The following ADCY1 variants were observed in gnomAD, a reference collection of about 807,000 sequenced individuals.
ADCY1 encodes adenylate cyclase 1.
A neutral mutation model predicts 105.4 loss-of-function variants in ADCY1; 28 were observed. The ratio of observed to expected loss-of-function variants is 0.27; its 90% CI spans 0.20 to 0.36. The LOEUF (loss-of-function observed/expected upper bound fraction) is 0.36, where lower values mean the gene tolerates loss of function less well. Ranked by LOEUF, ADCY1 falls within the 10% of genes least tolerant of loss-of-function variation. The probability of loss-of-function intolerance (pLI) is 1.00; values close to 1 mark genes in which losing one functional copy is unlikely to be tolerated. For missense variants in ADCY1, 977 were observed against 1,434.2 expected, an observed-to-expected ratio of 0.68 and a Z score of 5.15; for synonymous variants, 655 against 623.8, an observed-to-expected ratio of 1.05 and a Z score of -0.75.
chr7:45,612,093 G>A (rs545507459), intron 3 of ADCY1, among the ~76,000 whole-genome samples: 2 of 152,306 alleles, frequency 1.3e-5, no homozygotes, highest in African/African-American at 2.4e-5. Flanking sequence ...CTGAGCACAC[G>A]TGTTCACTGC....
At chr7:45,605,154 T>G (rs1041435263) in intron 2 of ADCY1, among the ~76,000 whole-genome samples, 1 of 152,228 alleles carries the variant, frequency 6.6e-6, no homozygotes, top group African/African-American at 2.4e-5. Context: ...TAATTGACTT[T>G]TGTATATTGA....
intron 19 of ADCY1, among the ~76,000 whole-genome samples, chr7:45,711,644 T>TATATATATATATAC (rs1189707139): frequency 7.8e-5 from 4 of 51,478 alleles, no homozygotes; most frequent in African/African-American, 2.6e-4. Flanking sequence ...TATATATATA[T>TATATATATATATAC]ACACACACAC....
At position 45,591,294 on chromosome 7, in the gene ADCY1, G is replaced by A. The variant is rs1419796236; in HGVS notation, c.640-1465G>A. 1.3e-5 allele frequency among the ~76,000 whole-genome samples: 2 copies of A among 152,152 alleles called. No individual in the cohort carries two copies. The highest frequency in any genetic ancestry group is 2.9e-5 in the Non-Finnish European group (2 of 68,036). The stretch of plus-strand genomic sequence containing the variant: ...GCTGCCAGGTCTCCCTCCTAGAGCC[G>A]TCTGGGGGCCCCATCCTGCTGCCTG... On this transcript the variant is annotated intron_variant, in intron 1 of 19. Coordinates refer to ENST00000297323, the MANE Select transcript of ADCY1 (RefSeq NM_021116.4). This position sits in a 1 kb window ranked among gnomAD's most constrained non-coding sequence, Gnocchi z 4.1.
rs116385920 is a variant in ADCY1 at position 45,593,054 on chromosome 7, G to C, written c.789+146G>C. The stretch of plus-strand genomic sequence containing the variant: ...CATGTTGGTATTTGAGGCTGTGGAG[G>C]AGATGCCCTGAGGTTTTATAGTTAG... On this transcript the variant is annotated intron_variant, in intron 2 of 19. Coordinates refer to ENST00000297323, the MANE Select transcript of ADCY1 (RefSeq NM_021116.4). The C allele has an allele frequency of 3.3e-4, 396 of 1,206,630 alleles. 2 individuals carry two copies. In the African/African-American group the frequency reaches 4.9e-3, roughly 15 times the overall value. The allele number at this position is 1,206,630 out of a possible 1,614,324, so 74.7% of individuals were successfully genotyped here. A position where few individuals can be genotyped will look rare whatever the true frequency, so the allele number is the denominator to read the frequency against.
At chr7:45,627,535 G>C (rs991639940) in intron 4 of ADCY1, among the ~76,000 whole-genome samples, 10 of 152,184 alleles carry the variant, frequency 6.6e-5, no homozygotes, top group African/African-American at 2.4e-4. Context: ...TGTTTAAGTG[G>C]GACAGTGCCA....
chr7:45,622,166 C>T (rs1793917908), intron 3 of ADCY1, among the ~76,000 whole-genome samples: 1 of 152,152 alleles, frequency 6.6e-6, no homozygotes. Flanking sequence ...CATTGTGAAG[C>T]ATTGACACCA....
At chr7:45,602,051 G>A (rs1793253846) in intron 2 of ADCY1, among the ~76,000 whole-genome samples, 1 of 152,118 alleles carries the variant, frequency 6.6e-6, no homozygotes, top group African/African-American at 2.4e-5. Flanking sequence ...AGTGATCAGG[G>A]CTTTGAGGGA....
intron 8 of ADCY1, among the ~76,000 whole-genome samples, chr7:45,668,821 C>T (rs1229579221): frequency 2.0e-5 from 3 of 152,142 alleles, no homozygotes; most frequent in African/African-American, 7.2e-5. Context: ...TGTTATTTGT[C>T]TATTCAGAGA....
chr7:45,614,392 A>G (rs935791123), intron 3 of ADCY1, among the ~76,000 whole-genome samples: 4 of 152,210 alleles, frequency 2.6e-5, no homozygotes, highest in Admixed American at 1.3e-4. Context: ...TATAGAAACT[A>G]CACAAAGGAG....
intron 4 of ADCY1, among the ~76,000 whole-genome samples, chr7:45,628,513 G>T (rs1794129723): frequency 6.6e-6 from 1 of 152,204 alleles, no homozygotes; most frequent in African/African-American, 2.4e-5. Context: ...GGTGGAGGGT[G>T]AGCGGTTTCT....
At position 45,616,502 on chromosome 7, in the gene ADCY1, A is replaced by T. The variant is rs1039213221; in HGVS notation, c.908+6005A>T. 4.6e-5 allele frequency among the ~76,000 whole-genome samples: 7 copies of T among 152,258 alleles called. No individual in the cohort carries two copies. In the East Asian group the frequency reaches 1.2e-3, roughly 25 times the overall value. On this transcript the variant is annotated intron_variant, in intron 3 of 19. Transcript: ENST00000297323. ...TGAGATTTATCCCTGGAATGCAAGG[A>T]TAGTTCAACATGCAAAAATCAATTA...
At chr7:45,667,500 G>A (rs2116150305) in intron 8 of ADCY1, among the ~76,000 whole-genome samples, 1 of 152,266 alleles carries the variant, frequency 6.6e-6, no homozygotes, top group East Asian at 1.9e-4. Flanking sequence ...CTCTGTTTTG[G>A]TACCAGTACC....
At chr7:45,695,129 G>C (rs1186919056) in intron 14 of ADCY1, among the ~76,000 whole-genome samples, 1 of 152,190 alleles carries the variant, frequency 6.6e-6, no homozygotes, top group Admixed American at 6.5e-5. Flanking sequence ...CAGTATGCTG[G>C]GCCATTGCAG....
At chr7:45,650,769 T>C (rs1053589990) in intron 5 of ADCY1, among the ~76,000 whole-genome samples, 1 of 152,192 alleles carries the variant, frequency 6.6e-6, no homozygotes. Flanking sequence ...TTCTACTGTT[T>C]CTGCCCTGCA....
intron 19 of ADCY1, among the ~76,000 whole-genome samples, chr7:45,712,023 AT>A (rs1785265033): frequency 1.8e-5 from 2 of 111,812 alleles, no homozygotes; most frequent in African/African-American, 8.1e-5. Context: ...TATTTTATAT[AT>A]TATACTAAAT....
chr7:45,650,212 C>T (rs998805613), intron 5 of ADCY1, among the ~76,000 whole-genome samples: 1 of 152,076 alleles, frequency 6.6e-6, no homozygotes, highest in Non-Finnish European at 1.5e-5. Context: ...ATATATATCA[C>T]ATATATCACA....
At chr7:45,635,601 GTTTTTTTTTTTTTT>G (rs71030884) in intron 4 of ADCY1, among the ~76,000 whole-genome samples, 8 of 57,204 alleles carry the variant, frequency 1.4e-4, no homozygotes, top group African/African-American at 2.1e-4. Flanking sequence ...AATTTCTCTT[GTTTTTTTTTTTTTT>G]TTTTTTTTTT....
intron 18 of ADCY1, among the ~76,000 whole-genome samples, chr7:45,709,596 G>C (rs1785185860): frequency 6.6e-6 from 1 of 152,196 alleles, no homozygotes; most frequent in Non-Finnish European, 1.5e-5. Flanking sequence ...CCTGCTCTCA[G>C]GCTCCTCCTA....
chr7:45,650,032 G>C (rs1020869858), intron 5 of ADCY1, among the ~76,000 whole-genome samples: 1 of 152,164 alleles, frequency 6.6e-6, no homozygotes, highest in Non-Finnish European at 1.5e-5. Flanking sequence ...CTGGCGTGGA[G>C]AAGACTTAGA....
Sources: allele counts gnomAD v4.1 joint callset (sites outside exome capture counted in the v4.1 genomes callset), GRCh38; gene constraint gnomAD v4.1.1; non-coding constraint Gnocchi (gnomAD v3.1); transcripts MANE v1.5; gene names NCBI Gene and HGNC (gene_info 2026-07-23, HGNC 2026-07-21).